The following LRRTM4 variants were observed in gnomAD, a reference collection of about 807,000 sequenced individuals.
The protein encoded by LRRTM4 is leucine-rich repeat transmembrane neuronal protein 4.
Under a neutral mutation model 47.6 loss-of-function variants are expected in LRRTM4, and 25 were observed. The ratio of observed to expected loss-of-function variants is 0.53; its 90% confidence interval spans 0.38 to 0.73. LRRTM4 has a LOEUF of 0.73. Ranked by LOEUF, LRRTM4 falls within the 30% of genes least tolerant of loss-of-function variation. The probability of loss-of-function intolerance (pLI) is 0.00; values close to 1 mark genes in which losing one functional copy is unlikely to be tolerated. For missense variants in LRRTM4, 638 were observed against 713.4 expected (o/e 0.89, Z 1.20); for synonymous variants, 311 against 269.5 (o/e 1.15, Z -1.51).
At chr2:77,368,402 G>C (rs910711508) in intron 3 of LRRTM4, among the ~76,000 whole-genome samples, 1 of 151,500 alleles carries the variant, frequency 6.6e-6, no homozygotes, top group Admixed American at 6.6e-5. Context: ...TTGTCTTTGA[G>C]GTACCATGAG....
chr2:77,232,666 T>C (rs757764238), intron 3 of LRRTM4, among the ~76,000 whole-genome samples: 2 of 152,206 alleles, frequency 1.3e-5, no homozygotes, highest in African/African-American at 2.4e-5. Context: ...GCCAATAGTA[T>C]AAATGTGACA....
At chr2:76,959,192 T>C (rs1349083808) in intron 3 of LRRTM4, among the ~76,000 whole-genome samples, 1 of 151,732 alleles carries the variant, frequency 6.6e-6, no homozygotes, top group African/African-American at 2.4e-5. Context: ...TCTATTAAAA[T>C]AGTCTTTAAG....
intron 3 of LRRTM4, among the ~76,000 whole-genome samples, chr2:77,241,265 T>G (rs1196939333): frequency 6.6e-6 from 1 of 150,982 alleles, no homozygotes; most frequent in East Asian, 1.9e-4. Context: ...GAAACAAACC[T>G]AAATATAAAT....
chr2:77,396,644 A>G (rs1368247566), intron 3 of LRRTM4, among the ~76,000 whole-genome samples: 1 of 151,998 alleles, frequency 6.6e-6, no homozygotes, highest in Non-Finnish European at 1.5e-5. Flanking sequence ...TTTAATAAAA[A>G]GCAGTGTCAG....
chr2:77,116,512 CA>C (rs1254475774), intron 3 of LRRTM4, among the ~76,000 whole-genome samples: 1 of 152,008 alleles, frequency 6.6e-6, no homozygotes, highest in African/African-American at 2.4e-5. Context: ...TTATTTTTAG[CA>C]AACTAATATT....
chr2:76,906,190 T>C (rs1413140625), intron 3 of LRRTM4, among the ~76,000 whole-genome samples: 1 of 152,108 alleles, frequency 6.6e-6, no homozygotes, highest in Non-Finnish European at 1.5e-5. Context: ...GGGGCCAATA[T>C]TCAACATTCT....
At chr2:77,161,062 C>A (rs1251929189) in intron 3 of LRRTM4, among the ~76,000 whole-genome samples, 3 of 152,136 alleles carry the variant, frequency 2.0e-5, no homozygotes, top group African/African-American at 7.2e-5. Flanking sequence ...AGATGACCAA[C>A]AGGGCGCCAG....
chr2:76,830,667 T>A (rs903698073), intron 3 of LRRTM4, among the ~76,000 whole-genome samples: 1 of 152,078 alleles, frequency 6.6e-6, no homozygotes, highest in East Asian at 1.9e-4. Flanking sequence ...TGTCTCAAAA[T>A]TTTAAATTAC....
At chr2:77,092,346 A>C (rs1670674418) in intron 3 of LRRTM4, among the ~76,000 whole-genome samples, 1 of 151,074 alleles carries the variant, frequency 6.6e-6, no homozygotes, top group Non-Finnish European at 1.5e-5. Flanking sequence ...CACCCTGATC[A>C]CACTTGATTT....
chr2:77,088,369 A>T (rs1389325187), intron 3 of LRRTM4, among the ~76,000 whole-genome samples: 2 of 152,122 alleles, frequency 1.3e-5, no homozygotes, highest in East Asian at 3.9e-4. Flanking sequence ...CCACAAAAGA[A>T]GTGTAAATGA....
intron 3 of LRRTM4, among the ~76,000 whole-genome samples, chr2:77,384,222 A>C (rs1156522795): frequency 6.6e-6 from 1 of 150,914 alleles, no homozygotes; most frequent in Non-Finnish European, 1.5e-5. Flanking sequence ...AGGTAGATAA[A>C]GTTTTTTTTT....
chr2:76,796,223 G>T (rs1300399890), intron 3 of LRRTM4, among the ~76,000 whole-genome samples: 1 of 120,158 alleles, frequency 8.3e-6, no homozygotes, highest in Non-Finnish European at 1.7e-5. Flanking sequence ...ACTGCAAGGC[G>T]GCAGCCAGGC....
intron 3 of LRRTM4, among the ~76,000 whole-genome samples, chr2:77,209,211 T>C (rs959089625): frequency 2.0e-5 from 3 of 152,124 alleles, no homozygotes; most frequent in Admixed American, 6.5e-5. Context: ...TTGCTCTTTC[T>C]ACAACAAAAA....
At chr2:76,774,410 T>C (rs1673865414) in intron 3 of LRRTM4, among the ~76,000 whole-genome samples, 1 of 152,146 alleles carries the variant, frequency 6.6e-6, no homozygotes, top group Non-Finnish European at 1.5e-5. Context: ...CAGTGTGGTC[T>C]CAATCTCCTG....
At chr2:76,906,925 T>C (rs1673861311) in intron 3 of LRRTM4, among the ~76,000 whole-genome samples, 1 of 151,718 alleles carries the variant, frequency 6.6e-6, no homozygotes, top group South Asian at 2.1e-4. Context: ...ACTGTCAACA[T>C]TAGACAGATC....
At position 77,012,439 on chromosome 2, in the gene LRRTM4, A is replaced by G. The variant is rs868672808; in HGVS notation, c.1552-263523T>C. ...TGTAAACTCCTCCCTTCCACTTTTC[A>G]TCTTCTCCTGTTTCTTTAACTCAAA... is the stretch of plus-strand genomic sequence containing the variant. On this transcript the variant is annotated intron_variant, in intron 3 of 3. Coordinates refer to ENST00000409884, the MANE Select transcript of LRRTM4 (RefSeq NM_001134745.3). Among the ~76,000 whole-genome samples, 3 of 152,158 alleles carry G rather than the reference A, an allele frequency of 2.0e-5. No individual in the cohort carries two copies. The Middle Eastern group carries it at 0.01, about 518-fold the overall frequency.
intron 3 of LRRTM4, chr2:77,009,339 T>G (rs1194968241): frequency 1.3e-5 from 2 of 152,156 alleles, no homozygotes; most frequent in Non-Finnish European, 2.9e-5. Flanking sequence ...ATGGGAGGTT[T>G]GTCTTCTCCC....
chr2:77,252,544 TA>T (rs11291967), intron 3 of LRRTM4, among the ~76,000 whole-genome samples: 79,908 of 151,702 alleles, frequency 0.53, 21,253 homozygotes, highest in Admixed American at 0.58. Context: ...AAAAGAAAAT[TA>T]AAGTGAATTT....
chr2:77,191,890 T>C (rs1357564423), intron 3 of LRRTM4, among the ~76,000 whole-genome samples: 1 of 152,012 alleles, frequency 6.6e-6, no homozygotes, highest in Non-Finnish European at 1.5e-5. Flanking sequence ...AATCACAATA[T>C]AGCTCCACCC....
Sources: gnomAD v4.1 joint callset for allele counts (sites outside exome capture counted in the v4.1 genomes callset) on GRCh38, gnomAD v4.1.1 for gene constraint, MANE v1.5 for transcripts, NCBI Gene and HGNC (gene_info 2026-07-23, HGNC 2026-07-21) for gene names.